The following MED27 variants were observed in gnomAD, a reference collection of about 807,000 sequenced individuals.
MED27 encodes the protein mediator complex subunit 27, also known as mediator of RNA polymerase II transcription subunit 27.
Under a neutral mutation model 38.2 loss-of-function variants are expected in MED27, and 30 were observed. The ratio of observed to expected loss-of-function variants is 0.79; its 90% confidence interval spans 0.59 to 1.07. The LOEUF (loss-of-function observed/expected upper bound fraction) is 1.07. Among genes scored for constraint, MED27 ranks in the 50% least tolerant of loss-of-function variants. MED27 has a pLI of 0.00. For missense variants in MED27, 289 were observed against 397.5 expected, an observed-to-expected ratio of 0.73 and a Z score of 2.32; for synonymous variants, 122 against 153.5, an observed-to-expected ratio of 0.79 and a Z score of 1.52.
At chr9:132,066,073 A>C (rs1240665660) in intron 2 of MED27, among the ~76,000 whole-genome samples, 1 of 152,130 alleles carries the variant, frequency 6.6e-6, no homozygotes, top group African/African-American at 2.4e-5. Flanking sequence ...CAATTACTGC[A>C]TGCCTGCTCT....
At chr9:131,941,326 T>A (rs1333482084) in intron 3 of MED27, among the ~76,000 whole-genome samples, 1 of 152,114 alleles carries the variant, frequency 6.6e-6, no homozygotes, top group Non-Finnish European at 1.5e-5. Context: ...TAGTTCTCGG[T>A]TCACAACATG....
At chr9:131,905,889 C>T (rs932393712) in intron 4 of MED27, among the ~76,000 whole-genome samples, 1 of 151,994 alleles carries the variant, frequency 6.6e-6, no homozygotes, top group African/African-American at 2.4e-5. Context: ...CTGTTAAATA[C>T]ATATTATGTG....
chr9:131,879,121 A>C (rs1838990610), intron 6 of MED27, among the ~76,000 whole-genome samples: 1 of 152,244 alleles, frequency 6.6e-6, no homozygotes, highest in Admixed American at 6.5e-5. Context: ...GATTTGCTAC[A>C]GAAGCTCAGG....
chr9:131,893,838 C>G, intron 5 of MED27, 47 bp downstream of exon 5: 1 of 1,371,388 alleles, frequency 7.3e-7, no homozygotes, highest in Non-Finnish European at 1.0e-6. Flanking sequence ...TACACTTGTT[C>G]TGGGATACAG....
At chr9:132,045,058 G>C (rs1690347391) in intron 2 of MED27, among the ~76,000 whole-genome samples, 1 of 152,010 alleles carries the variant, frequency 6.6e-6, no homozygotes, top group Non-Finnish European at 1.5e-5. Context: ...ATTTGGCTAT[G>C]AAATTTAAAA....
chr9:132,003,411 C>A lies in MED27; in HGVS notation c.479+10926G>T, dbSNP rs138660421. Among the ~76,000 whole-genome samples, 9 of 152,166 alleles carry A rather than the reference C, an allele frequency of 5.9e-5. No homozygotes were observed. Among genetic ancestry groups the A allele is most frequent in the Non-Finnish European group, 8.8e-5 (6 of 68,036 alleles). ...GGGTTTTAAATTTTAGTCTATGTCA[C>A]GATGGGTCTGAGACAAACCCAGGTC... On this transcript the variant is annotated intron_variant, in intron 3 of 7. Transcript: ENST00000292035. This position sits in a 1 kb window ranked among gnomAD's most constrained non-coding sequence, Gnocchi z 4.2.
rs1830232980 is a variant in MED27, at chr9:131,913,782, TGGGGCGAA to T, written c.574-19798_574-19791del. ...GCCTCCCGCTTTACCCCATCAATTC[TGGGGCGAA>T]ACTGACACTTCTAACAAGCACCGAG... On this transcript the variant is annotated intron_variant, in intron 4 of 7. Transcript: ENST00000292035. This position sits in a 1 kb window ranked among gnomAD's most constrained non-coding sequence, Gnocchi z 4.5. 1.3e-5 allele frequency among the ~76,000 whole-genome samples: 2 copies of T among 152,170 alleles called. No homozygotes were observed. Among genetic ancestry groups the T allele is most frequent in the African/African-American group, 4.8e-5 (2 of 41,432 alleles).
chr9:131,876,353 G>A lies in MED27; in HGVS notation c.723+7705C>T, dbSNP rs533823803. Reference sequence around the variant, plus strand: ...CAGCGTGCCCTCAGAAAGTCAACAGGATGGCCCAGGCTTTCCTGGTTCAAT... The same window carrying A: ...CAGCGTGCCCTCAGAAAGTCAACAGAATGGCCCAGGCTTTCCTGGTTCAAT... On this transcript the variant is annotated intron_variant, in intron 6 of 7. Transcript: ENST00000292035. Among the ~76,000 whole-genome samples the A allele has an allele frequency of 4.6e-5, 7 of 152,200 alleles. No individual in the cohort carries two copies. In the South Asian group the frequency reaches 1.5e-3, roughly 32 times the overall value.
chr9:131,883,325 C>T lies in MED27; in HGVS notation c.723+733G>A, dbSNP rs1323961156. Among the ~76,000 whole-genome samples the T allele has an allele frequency of 6.6e-6, 1 of 152,152 alleles. No homozygotes were observed. Among genetic ancestry groups the T allele is most frequent in the Non-Finnish European group, 1.5e-5 (1 of 68,028 alleles). ...CCCTGCAGGGAGCTGGCCCTGAGTA[C>T]TGTGGGGACTGGTGGGGGTGTGGCG... is the stretch of plus-strand genomic sequence containing the variant. On this transcript the variant is annotated intron_variant, in intron 6 of 7. Transcript: ENST00000292035. The surrounding 1 kb of genome is among the most constrained non-coding windows in gnomAD (Gnocchi z 4.2).
chr9:132,069,173 G>A (rs975986404), intron 2 of MED27, among the ~76,000 whole-genome samples: 2 of 152,204 alleles, frequency 1.3e-5, no homozygotes, highest in South Asian at 2.1e-4. Flanking sequence ...AAGGCTGATG[G>A]AAGAGAGTCA....
At chr9:131,996,547 T>A (rs1402491693) in intron 3 of MED27, among the ~76,000 whole-genome samples, 1 of 152,162 alleles carries the variant, frequency 6.6e-6, no homozygotes, top group Non-Finnish European at 1.5e-5. Flanking sequence ...GAGGGGCAGC[T>A]CCTCAAATGT....
intron 3 of MED27, among the ~76,000 whole-genome samples, chr9:131,941,446 C>T (rs541802684): frequency 1.9e-4 from 29 of 152,206 alleles, no homozygotes; most frequent in African/African-American, 6.3e-4. Context: ...AGTGACCCTA[C>T]CTATTCTCTA....
intron 4 of MED27, among the ~76,000 whole-genome samples, chr9:131,921,460 C>G (rs1830389908): frequency 6.7e-6 from 1 of 150,090 alleles, no homozygotes; most frequent in African/African-American, 2.4e-5. Context: ...AAATGCAAAT[C>G]AAAACCACAA....
chr9:131,968,960 G>C (rs1160583866), intron 3 of MED27, among the ~76,000 whole-genome samples: 1 of 152,168 alleles, frequency 6.6e-6, no homozygotes, highest in Non-Finnish European at 1.5e-5. Flanking sequence ...CGCTCCTTAT[G>C]AGAATCAAAT....
At chr9:131,894,503 C>G (rs1358147105) in intron 4 of MED27, among the ~76,000 whole-genome samples, 1 of 151,690 alleles carries the variant, frequency 6.6e-6, no homozygotes, top group East Asian at 1.9e-4. Context: ...AAAAGCAATA[C>G]CAAATAAAGT....
chr9:132,023,042 A>C (rs147508479), intron 2 of MED27, among the ~76,000 whole-genome samples: 8 of 152,174 alleles, frequency 5.3e-5, no homozygotes, highest in Non-Finnish European at 1.2e-4. Context: ...GGCCTAGTAA[A>C]AGTTGAAATC....
At chr9:131,995,939 C>T (rs1832082305) in intron 3 of MED27, among the ~76,000 whole-genome samples, 1 of 152,184 alleles carries the variant, frequency 6.6e-6, no homozygotes, top group African/African-American at 2.4e-5. Context: ...GTGTCCTCTA[C>T]ACTCCATAAT....
At chr9:132,072,691 A>T (rs1472533523) in intron 2 of MED27, among the ~76,000 whole-genome samples, 1 of 152,120 alleles carries the variant, frequency 6.6e-6, no homozygotes, top group Non-Finnish European at 1.5e-5. Context: ...GATTTAGGTG[A>T]AAGAACACCT....
At chr9:132,006,041 C>T (rs562944316) in intron 3 of MED27, among the ~76,000 whole-genome samples, 13 of 152,216 alleles carry the variant, frequency 8.5e-5, no homozygotes, top group African/African-American at 2.9e-4. Flanking sequence ...ATTACATAGC[C>T]TCTCTGTGGT....
Sources: allele counts gnomAD v4.1 joint callset (sites outside exome capture counted in the v4.1 genomes callset), GRCh38; gene constraint gnomAD v4.1.1; non-coding constraint Gnocchi (gnomAD v3.1); transcripts MANE v1.5; gene names NCBI Gene and HGNC (gene_info 2026-07-23, HGNC 2026-07-21).